ARIH1: variants seen among roughly 807,000 people sequenced by gnomAD.
The protein encoded by ARIH1 is E3 ubiquitin-protein ligase ARIH1.
ARIH1 carries 8 observed loss-of-function variants against 85.0 expected under a neutral mutation model. That is an observed-to-expected ratio of 0.09 (90% confidence interval 0.06 to 0.17). The LOEUF (loss-of-function observed/expected upper bound fraction) is 0.17. Ranked by LOEUF, ARIH1 falls within the 10% of genes least tolerant of loss-of-function variation. ARIH1 has a pLI of 1.00. For missense variants in ARIH1, 311 were observed against 718.1 expected (o/e 0.43, Z 6.48); for synonymous variants, 238 against 253.6 (o/e 0.94, Z 0.59).
chr15:72,500,667 G>T lies in ARIH1; in HGVS notation c.376-17400G>T, dbSNP rs140977009. 6.6e-3 allele frequency among the ~76,000 whole-genome samples: 1,009 copies of T among 152,238 alleles called. 5 individuals are homozygous for T. Among genetic ancestry groups the T allele is most frequent in the Non-Finnish European group, 0.011 (721 of 68,020 alleles). On this transcript the variant is annotated intron_variant, in intron 1 of 13. Coordinates refer to ENST00000379887, the MANE Select transcript of ARIH1 (RefSeq NM_005744.5). Reference sequence around the variant, plus strand: ...AGAAAGATTGAGAGGTGCATGTAGCGTGCCAGATCCTCATCTTTCACATTA... The same window carrying T: ...AGAAAGATTGAGAGGTGCATGTAGCTTGCCAGATCCTCATCTTTCACATTA...
chr15:72,531,442 A>G (rs1310738006), intron 2 of ARIH1, among the ~76,000 whole-genome samples: 3 of 151,968 alleles, frequency 2.0e-5, no homozygotes, highest in East Asian at 1.9e-4. Context: ...TAACTTTAGT[A>G]TTTTTAGTAG....
intron 3 of ARIH1, among the ~76,000 whole-genome samples, chr15:72,547,422 G>A (rs1417331511): frequency 6.6e-6 from 1 of 151,924 alleles, no homozygotes; most frequent in Non-Finnish European, 1.5e-5. Flanking sequence ...TAGTAGAGAC[G>A]GGGTTTCACC....
chr15:72,516,370 A>G (rs777029330), intron 1 of ARIH1, among the ~76,000 whole-genome samples: 5 of 152,036 alleles, frequency 3.3e-5, no homozygotes, highest in Non-Finnish European at 4.4e-5. Context: ...TAGTGACTTT[A>G]TTTCAGTTGT....
At chr15:72,583,019 A>G (rs1274439320) in intron 13 of ARIH1, among the ~76,000 whole-genome samples, 189 bp from the exon 14 acceptor site, 1 of 152,186 alleles carries the variant, frequency 6.6e-6, no homozygotes, top group Non-Finnish European at 1.5e-5. Flanking sequence ...AGAAAATACC[A>G]TTTTAATATT....
rs1206652909 is a variant in ARIH1, at chr15:72,591,389, T to C, written c.*8097T>C. The C allele has an allele frequency of 6.6e-6, 1 of 152,198 alleles. No individual in the cohort carries two copies. The highest frequency in any genetic ancestry group is 1.5e-5 in the Non-Finnish European group (1 of 68,038). 9.4% of individuals were successfully genotyped at this position (152,198 alleles called of 1,614,324 possible). A position where few individuals can be genotyped will look rare whatever the true frequency, so the allele number is the denominator to read the frequency against. On this transcript the variant is annotated 3_prime_UTR_variant, in exon 14 of 14. Coordinates refer to ENST00000379887, the MANE Select transcript of ARIH1 (RefSeq NM_005744.5). ...TTCTGTATAACAGAGTAGTGCCCTA[T>C]AAGCCAGTTCAGTGCACATTAAATG...
At chr15:72,534,098 T>C (rs1357537250) in intron 2 of ARIH1, among the ~76,000 whole-genome samples, 2 of 152,040 alleles carry the variant, frequency 1.3e-5, no homozygotes, top group Non-Finnish European at 2.9e-5. Flanking sequence ...CTTAAAAACA[T>C]AGTGAAAAGA....
intron 3 of ARIH1, 91 bp downstream of exon 3, chr15:72,545,055 T>G: frequency 8.1e-7 from 1 of 1,240,680 alleles, no homozygotes; most frequent in Non-Finnish European, 1.1e-6. Flanking sequence ...AATTTGTGGG[T>G]CTGGGAGTAG....
At chr15:72,563,813 G>A (rs887524228) in intron 7 of ARIH1, among the ~76,000 whole-genome samples, 1 of 151,892 alleles carries the variant, frequency 6.6e-6, no homozygotes, top group Non-Finnish European at 1.5e-5. Context: ...GGGACTATAC[G>A]TTTTTCTTTA....
chr15:72,586,727 G>A lies in ARIH1; in HGVS notation c.*3435G>A, dbSNP rs1353299028. 6.5e-6 allele frequency: 1 copy of A among 153,810 alleles called. No individual in the cohort carries two copies. 9.5% of individuals were successfully genotyped at this position (153,810 alleles called of 1,614,324 possible). A position where few individuals can be genotyped will look rare whatever the true frequency, so the allele number is the denominator to read the frequency against. On this transcript the variant is annotated 3_prime_UTR_variant, in exon 14 of 14. Transcript: ENST00000379887. ...GCCCATTCCCCCAACATTTAACTTGGTTAATGAAGCTTTCAGAGCATTTTC... is the reference window on the plus strand; with the variant it reads ...GCCCATTCCCCCAACATTTAACTTGATTAATGAAGCTTTCAGAGCATTTTC...
intron 2 of ARIH1, among the ~76,000 whole-genome samples, chr15:72,528,314 G>A (rs963710489): frequency 5.9e-5 from 9 of 152,024 alleles, no homozygotes; most frequent in Non-Finnish European, 1.3e-4. Context: ...AGTCTTTCCT[G>A]GACTCTGTTA....
chr15:72,474,469 C>A lies in ARIH1; in HGVS notation c.-171C>A. The A allele has an allele frequency of 1.2e-6, 1 of 868,460 alleles. No homozygotes were observed. The highest frequency in any genetic ancestry group is 1.7e-6 in the Non-Finnish European group (1 of 597,816). 53.8% of individuals were successfully genotyped at this position (868,460 alleles called of 1,614,324 possible). A position where few individuals can be genotyped will look rare whatever the true frequency, so the allele number is the denominator to read the frequency against. ...CCCTCCTCCGCGCCCTCCCCGCCGC[C>A]ACCAGCCGTCAAACGCCAACCGCCG... On this transcript the variant is annotated 5_prime_UTR_variant, in exon 1 of 14. Transcript: ENST00000379887.
At chr15:72,516,608 G>A (rs2063976103) in intron 1 of ARIH1, among the ~76,000 whole-genome samples, 1 of 152,186 alleles carries the variant, frequency 6.6e-6, no homozygotes, top group Admixed American at 6.5e-5. Flanking sequence ...TCTTAGGGGA[G>A]TGTGGGTCCA....
Position 72,582,676 on chromosome 15 carries a change from A to G in ARIH1, c.1589+489A>G, listed in dbSNP as rs2064299558. On this transcript the variant is annotated intron_variant, in intron 13 of 13. Coordinates refer to ENST00000379887, the MANE Select transcript of ARIH1 (RefSeq NM_005744.5). The surrounding 1 kb of genome is among the most constrained non-coding windows in gnomAD (Gnocchi z 4.6). ...GCCGCCTCTTAAGCTAGAGATGCAA[A>G]ATGTTTTATTTCTCAACATGAAGCT... Among the ~76,000 whole-genome samples, 1 of 151,874 alleles carries G rather than the reference A, an allele frequency of 6.6e-6. No homozygotes were observed. Among genetic ancestry groups the G allele is most frequent in the African/African-American group, 2.4e-5 (1 of 41,368 alleles).
chr15:72,533,443 T>C (rs2064067203), intron 2 of ARIH1, among the ~76,000 whole-genome samples: 5 of 152,218 alleles, frequency 3.3e-5, no homozygotes, highest in Admixed American at 3.3e-4. Flanking sequence ...TAATATTCAC[T>C]GACAATGTGA....
chr15:72,508,703 T>TC (rs1353831805), intron 1 of ARIH1, among the ~76,000 whole-genome samples: 1 of 151,210 alleles, frequency 6.6e-6, no homozygotes, highest in East Asian at 1.9e-4. Flanking sequence ...TTCTTTTTTT[T>TC]TTTTTTTTGA....
At chr15:72,529,938 C>T (rs575205104) in intron 2 of ARIH1, among the ~76,000 whole-genome samples, 1 of 151,986 alleles carries the variant, frequency 6.6e-6, no homozygotes, top group African/African-American at 2.4e-5. Context: ...AGCCCTTGAA[C>T]GTTGTTTTAT....
rs765850628 is a variant in ARIH1 at position 72,524,889 on chromosome 15, C to CT, written c.443+6762dup. 5.3e-5 allele frequency among the ~76,000 whole-genome samples: 8 copies of CT among 152,130 alleles called. No individual in the cohort carries two copies. The East Asian group carries it at 7.7e-4, about 15-fold the overall frequency. On this transcript the variant is annotated intron_variant, in intron 2 of 13. Transcript: ENST00000379887. ...ATCAACGACTCTTAGTAGGATTTCT[C>CT]TTTTTTTCCTTTTGAGACAGGGTCT... is the stretch of plus-strand genomic sequence containing the variant.
At chr15:72,497,409 G>A (rs1479852077) in intron 1 of ARIH1, among the ~76,000 whole-genome samples, 3 of 152,048 alleles carry the variant, frequency 2.0e-5, no homozygotes, top group Admixed American at 6.5e-5. Context: ...TTAAGTATTT[G>A]TATCAGTTTA....
intron 1 of ARIH1, among the ~76,000 whole-genome samples, chr15:72,491,723 A>T (rs2063860363): frequency 6.6e-6 from 1 of 152,144 alleles, no homozygotes; most frequent in South Asian, 2.1e-4. Flanking sequence ...TATCTTACGG[A>T]ACTTTAGTTA....
Sources: gnomAD v4.1 joint callset for allele counts (sites outside exome capture counted in the v4.1 genomes callset) on GRCh38, gnomAD v4.1.1 for gene constraint, Gnocchi (gnomAD v3.1) non-coding constraint, MANE v1.5 for transcripts, NCBI Gene and HGNC (gene_info 2026-07-23, HGNC 2026-07-21) for gene names.